SCNN1A: variants seen among roughly 807,000 people sequenced by gnomAD.
SCNN1A encodes the protein epithelial sodium channel subunit alpha.
SCNN1A carries 65 observed loss-of-function variants against 68.6 expected under a neutral mutation model. The observed-to-expected ratio is 0.95, with a 90% CI of 0.78 to 1.16. SCNN1A has a LOEUF of 1.16. SCNN1A is among the 50% of genes most tolerant of loss of function. The pLI, the probability that SCNN1A is intolerant of heterozygous loss-of-function variation, is 0.00. For synonymous variants in SCNN1A, 357 were observed against 353.3 expected (o/e 1.01, Z -0.12); for missense variants, 880 against 865.9 (o/e 1.02, Z -0.20).
chr12:6,375,313 C>A, intron 1 of SCNN1A, 192 bp downstream of exon 1: 3 of 1,439,090 alleles, frequency 2.1e-6, no homozygotes, highest in Non-Finnish European at 2.7e-6. Flanking sequence ...GCCTTGCCCC[C>A]TCTCACTCTA....
At chr12:6,354,646 C>T (rs889955781) in intron 7 of SCNN1A, 91 bp from the exon 8 acceptor site, 5 of 1,413,122 alleles carry the variant, frequency 3.5e-6, no homozygotes, top group Admixed American at 1.7e-5. Context: ...CCACCACCCC[C>T]CAGTTTCCCT....
intron 2 of SCNN1A, among the ~76,000 whole-genome samples, chr12:6,369,586 A>C (rs1397823041): frequency 6.6e-6 from 1 of 152,084 alleles, no homozygotes; most frequent in African/African-American, 2.4e-5. Flanking sequence ...TAATCCCAGC[A>C]CTTTGGGAGG....
At chr12:6,363,930 A>G in intron 2 of SCNN1A, 1 of 448,028 alleles carries the variant, frequency 2.2e-6, no homozygotes, top group Non-Finnish European at 3.9e-6. Flanking sequence ...CAGCCGGGAC[A>G]CTGTGGACTG....
At chr12:6,375,893 G>C (rs541620378), upstream of SCNN1A, 7 of 1,255,848 alleles carry the variant, frequency 5.6e-6, no homozygotes, top group Admixed American at 3.9e-5. Flanking sequence ...GCAGAAAGAG[G>C]GAGACAATAG....
intron 3 of SCNN1A, among the ~76,000 whole-genome samples, chr12:6,362,863 T>G (rs1215320094): frequency 7.2e-6 from 1 of 139,216 alleles, no homozygotes; most frequent in African/African-American, 2.7e-5. Context: ...ATTTTTTTTT[T>G]GTAGAGATGG....
intron 12 of SCNN1A, 114 bp from the exon 13 acceptor site, chr12:6,348,367 A>G: frequency 6.4e-7 from 1 of 1,568,638 alleles, no homozygotes; most frequent in Middle Eastern, 2.2e-4. Flanking sequence ...AAGACCCCCG[A>G]GTCCTCTCAG....
chr12:6,355,913 G>T (rs777684139), intron 4 of SCNN1A, 33 bp from the exon 5 acceptor site: 15 of 1,323,326 alleles, frequency 1.1e-5, no homozygotes, highest in African/African-American at 4.3e-5. Context: ...GGTCAGAGAG[G>T]AAAGTGTAGG....
chr12:6,368,513 G>T (rs1948719342), intron 2 of SCNN1A, among the ~76,000 whole-genome samples: 1 of 152,194 alleles, frequency 6.6e-6, no homozygotes, highest in Non-Finnish European at 1.5e-5. Flanking sequence ...ATGTAAAGAG[G>T]CAACTTTAGG....
intron 12 of SCNN1A, 58 bp from the exon 13 acceptor site, chr12:6,348,311 G>C: frequency 6.2e-7 from 1 of 1,611,998 alleles, no homozygotes; most frequent in South Asian, 1.1e-5. Flanking sequence ...GACTCTGGCA[G>C]AGGAGCCCCC....
chr12:6,351,316 T>G lies in SCNN1A; in HGVS notation c.1361-1911A>C, dbSNP rs931584590. 6.6e-6 allele frequency among the ~76,000 whole-genome samples: 1 copy of G among 152,144 alleles called. No homozygotes were observed. The highest frequency in any genetic ancestry group is 2.4e-5 in the African/African-American group (1 of 41,434). On this transcript the variant is annotated intron_variant, in intron 8 of 12. Transcript: ENST00000228916. The surrounding 1 kb of genome is among the most constrained non-coding windows in gnomAD (Gnocchi z 4.2). ...GACACGAGGGTCACACACTCTAAGATTCCATCTATATGAAAGATTCAGAAT... is the reference window on the plus strand; with the variant it reads ...GACACGAGGGTCACACACTCTAAGAGTCCATCTATATGAAAGATTCAGAAT...
intron 2 of SCNN1A, among the ~76,000 whole-genome samples, chr12:6,370,979 C>G (rs977567546): frequency 9.9e-5 from 15 of 152,202 alleles, no homozygotes; most frequent in Non-Finnish European, 2.2e-4. Context: ...TGAAGAAGCC[C>G]TTTGTTGACC....
At chr12:6,369,571 G>A (rs771050899) in intron 2 of SCNN1A, among the ~76,000 whole-genome samples, 44 of 152,116 alleles carry the variant, frequency 2.9e-4, no homozygotes, top group Non-Finnish European at 5.3e-4. Flanking sequence ...GGTGGCTCAC[G>A]CCTATAATCC....
At chr12:6,364,599 A>T (rs1198306080) in intron 2 of SCNN1A, among the ~76,000 whole-genome samples, 2 of 151,966 alleles carry the variant, frequency 1.3e-5, no homozygotes, top group Admixed American at 1.3e-4. Flanking sequence ...ACTAAAAAAA[A>T]AAAATACAAA....
At chr12:6,358,951 T>TA (rs1310277637) in intron 4 of SCNN1A, among the ~76,000 whole-genome samples, 1 of 151,362 alleles carries the variant, frequency 6.6e-6, no homozygotes, top group Non-Finnish European at 1.5e-5. Flanking sequence ...ACAACATGGA[T>TA]AAGCTTTGAA....
At chr12:6,361,604 G>C (rs529780886) in intron 4 of SCNN1A, among the ~76,000 whole-genome samples, 4 of 152,144 alleles carry the variant, frequency 2.6e-5, no homozygotes, top group African/African-American at 7.2e-5. Flanking sequence ...TTAGCCAGGC[G>C]TGGTGGCGCA....
At chr12:6,368,941 A>G (rs1046786704) in intron 2 of SCNN1A, among the ~76,000 whole-genome samples, 6 of 152,198 alleles carry the variant, frequency 3.9e-5, no homozygotes, top group African/African-American at 1.4e-4. Context: ...TAAGTGAGAA[A>G]ATACTCAGTG....
In SCNN1A at chr12:6,351,493, T is replaced by C. The variant is rs1948385634; in HGVS notation, c.1361-2088A>G. ...CAAAAATTAGCTGGGCTTGGCAGCA[T>C]GCGCCTGTATGTAGTCCCAGGTACT... On this transcript the variant is annotated intron_variant, in intron 8 of 12. Transcript: ENST00000228916. The surrounding 1 kb of genome is among the most constrained non-coding windows in gnomAD (Gnocchi z 4.2). Among the ~76,000 whole-genome samples, 1 of 152,004 alleles carries C rather than the reference T, an allele frequency of 6.6e-6. No individual in the cohort carries two copies. The highest frequency in any genetic ancestry group is 6.6e-5 in the Admixed American group (1 of 15,248).
rs539243125 is a variant in SCNN1A at position 6,364,752 on chromosome 12, A to T, written c.417-1042T>A. ...ACTCCAGCCTGGGAGACAGAGCGAGACTCCGTCTCAAAAAAAAAAAAAAAT... is the reference window on the plus strand; with the variant it reads ...ACTCCAGCCTGGGAGACAGAGCGAGTCTCCGTCTCAAAAAAAAAAAAAAAT... On this transcript the variant is annotated intron_variant, in intron 2 of 12. Coordinates refer to ENST00000228916, the MANE Select transcript of SCNN1A (RefSeq NM_001038.6). 1.2e-4 allele frequency among the ~76,000 whole-genome samples: 14 copies of T among 117,966 alleles called. No homozygotes were observed. The East Asian group carries it at 3.1e-3, about 26-fold the overall frequency. The allele number at this position is 117,966 out of a possible 152,430, so 77.4% of individuals were successfully genotyped here. A position where few individuals can be genotyped will look rare whatever the true frequency, so the allele number is the denominator to read the frequency against.
At chr12:6,371,569 T>C (rs915928095) in intron 2 of SCNN1A, among the ~76,000 whole-genome samples, 1 of 14,650 alleles carries the variant, frequency 6.8e-5, no homozygotes, top group Non-Finnish European at 1.3e-4. Flanking sequence ...GGGGTGGGGG[T>C]GGGGCGGGGG....
Sources: allele counts gnomAD v4.1 joint callset (sites outside exome capture counted in the v4.1 genomes callset), GRCh38; gene constraint gnomAD v4.1.1; non-coding constraint Gnocchi (gnomAD v3.1); transcripts MANE v1.5; gene names NCBI Gene and HGNC (gene_info 2026-07-23, HGNC 2026-07-21).